Variants in ADAMTS16 observed in about 807,000 individuals in gnomAD.
The protein encoded by ADAMTS16 is ADAM metallopeptidase with thrombospondin type 1 motif 16.
In ADAMTS16, 94 loss-of-function variants were observed where a neutral mutation model predicts 145.8. The ratio of observed to expected loss-of-function variants is 0.64; its 90% CI spans 0.55 to 0.77. The LOEUF is 0.77. Among genes scored for constraint, ADAMTS16 ranks in the 30% least tolerant of loss-of-function variants. ADAMTS16 has a pLI of 0.00. For missense variants in ADAMTS16, 1,585 were observed against 1,591.5 expected (o/e 1.00, Z 0.07); for synonymous variants, 659 against 604.3 (o/e 1.09, Z -1.33).
chr5:5,164,181 G>A (rs544736994), intron 3 of ADAMTS16, among the ~76,000 whole-genome samples: 24 of 152,168 alleles, frequency 1.6e-4, no homozygotes, highest in Admixed American at 2.6e-4. Context: ...TTCAGTTCCT[G>A]TTGTATGCCC....
At chr5:5,268,918 C>A (rs911204092) in intron 18 of ADAMTS16, among the ~76,000 whole-genome samples, 3 of 152,130 alleles carry the variant, frequency 2.0e-5, no homozygotes, top group East Asian at 3.9e-4. Flanking sequence ...AAGGACTGCG[C>A]TCCCCGACCC....
intron 18 of ADAMTS16, among the ~76,000 whole-genome samples, chr5:5,280,323 G>A (rs574728924): frequency 2.6e-5 from 4 of 152,294 alleles, no homozygotes; most frequent in African/African-American, 9.6e-5. Context: ...TTTCTCTAGA[G>A]AAGGATCCTG....
rs757268714 is a variant in ADAMTS16 at position 5,319,852 on chromosome 5, AT to A, written c.*720del. 1 of 455,314 alleles carries A rather than the reference AT, an allele frequency of 2.2e-6. No individual in the cohort carries two copies. Among genetic ancestry groups the A allele is most frequent in the Non-Finnish European group, 4.4e-6 (1 of 226,634 alleles). The allele number at this position is 455,314 out of a possible 1,614,324, so 28.2% of individuals were successfully genotyped here. A position where few individuals can be genotyped will look rare whatever the true frequency, so the allele number is the denominator to read the frequency against. On this transcript the variant is annotated 3_prime_UTR_variant, in exon 23 of 23. Coordinates refer to ENST00000274181, the MANE Select transcript of ADAMTS16 (RefSeq NM_139056.4). The stretch of plus-strand genomic sequence containing the variant: ...TTCAGATTCATGCATTGAAGGAGAG[AT>A]TTTTTATACTTTATGTTTTATCTTT...
chr5:5,213,138 C>T (rs2126324643), intron 10 of ADAMTS16, among the ~76,000 whole-genome samples: 1 of 152,266 alleles, frequency 6.6e-6, no homozygotes, highest in East Asian at 1.9e-4. Flanking sequence ...CAACAAAATG[C>T]AATGTTGTAG....
chr5:5,262,812 G>T (rs751740436), intron 18 of ADAMTS16, 29 bp downstream of exon 18: 3 of 1,610,322 alleles, frequency 1.9e-6, no homozygotes, highest in Middle Eastern at 1.7e-4. Flanking sequence ...ATCAAAGCAG[G>T]TTTCCCAGTT....
chr5:5,256,270 A>G (rs1737778481), intron 17 of ADAMTS16, among the ~76,000 whole-genome samples: 1 of 152,238 alleles, frequency 6.6e-6, no homozygotes, highest in African/African-American at 2.4e-5. Flanking sequence ...GGCAGGATCC[A>G]GGGAAGCTAA....
chr5:5,154,230 C>T (rs1043908232), intron 3 of ADAMTS16, among the ~76,000 whole-genome samples: 1 of 152,148 alleles, frequency 6.6e-6, no homozygotes, highest in East Asian at 1.9e-4. Flanking sequence ...CTGCTGATGG[C>T]ATAAGCAGAT....
chr5:5,257,737 C>T (rs1426913679), intron 17 of ADAMTS16, among the ~76,000 whole-genome samples: 6 of 152,174 alleles, frequency 3.9e-5, no homozygotes, highest in African/African-American at 1.4e-4. Flanking sequence ...TGGTGTCCTA[C>T]AATTCAGTTC....
intron 6 of ADAMTS16, 43 bp from the exon 7 acceptor site, chr5:5,189,928 C>A: frequency 1.2e-6 from 2 of 1,602,998 alleles, no homozygotes; most frequent in South Asian, 1.1e-5. Flanking sequence ...AACATGTTTT[C>A]TCTTCATTAT....
intron 3 of ADAMTS16, among the ~76,000 whole-genome samples, chr5:5,164,668 T>C (rs558448546): frequency 6.6e-6 from 1 of 152,218 alleles, no homozygotes; most frequent in African/African-American, 2.4e-5. Context: ...TTGTTCTGTT[T>C]TCTTTTTCCT....
In ADAMTS16 at chr5:5,295,282, C is replaced by T. The variant is rs141271892; in HGVS notation, c.2790-7986C>T. On this transcript the variant is annotated intron_variant, in intron 18 of 22. Transcript: ENST00000274181. ...CCTCAATATTTTACTTTTGTCTCAG[C>T]CACACCTAATTTGACAGCAGTGCTG... 3.2e-3 allele frequency among the ~76,000 whole-genome samples: 490 copies of T among 152,330 alleles called. 3 individuals are homozygous for T. Among genetic ancestry groups the T allele is most frequent in the African/African-American group, 0.011 (458 of 41,576 alleles).
intron 18 of ADAMTS16, among the ~76,000 whole-genome samples, chr5:5,271,156 C>T (rs1738456455): frequency 6.6e-6 from 1 of 152,272 alleles, no homozygotes; most frequent in Non-Finnish European, 1.5e-5. Context: ...CTCCTCAGCA[C>T]CCAGAGGCCG....
intron 17 of ADAMTS16, 90 bp from the exon 18 acceptor site, chr5:5,262,567 C>A: frequency 6.6e-7 from 1 of 1,520,230 alleles, no homozygotes; most frequent in South Asian, 1.3e-5. Context: ...GGCTAAGATT[C>A]TTTGAAAGAG....
intron 18 of ADAMTS16, among the ~76,000 whole-genome samples, chr5:5,266,769 C>A (rs1020533673): frequency 6.6e-6 from 1 of 152,158 alleles, no homozygotes; most frequent in Non-Finnish European, 1.5e-5. Flanking sequence ...AGAACATGCT[C>A]AACAGATTAT....
Position 5,262,782 on chromosome 5 carries a change from A to G in ADAMTS16, c.2788A>G (p.Ser930Gly). ...VPCKVSACPPSWSVGNWSACS... is the reference protein window; with the variant it reads ...VPCKVSACPPGWSVGNWSACS... ...TTGCAAAGTATCTGCCTGTCCTCCC[A>G]GGTAAGAAGCATCGCGTTCATCAAA... Residue 930 changes from serine to glycine, a missense_variant and splice_region_variant, in exon 18 of 23, where the codon AGC becomes GGC. By Grantham distance (56) the Ser-to-Gly change is moderately conservative. Around this residue, in one of 3 missense-constraint regions of ADAMTS16, gnomAD observed 834 missense variants for 811.7 expected, o/e 1.03. Transcript: ENST00000274181. 6.2e-7 allele frequency: 1 copy of G among 1,613,810 alleles called. No individual in the cohort carries two copies.
chr5:5,283,854 C>T (rs997983186), intron 18 of ADAMTS16, among the ~76,000 whole-genome samples: 6 of 152,162 alleles, frequency 3.9e-5, no homozygotes, highest in South Asian at 4.2e-4. Context: ...CATCCTTGCA[C>T]TCCTGTAATG....
In ADAMTS16 at chr5:5,269,073, C is replaced by G. The variant is rs1738367475; in HGVS notation, c.2789+6290C>G. Among the ~76,000 whole-genome samples, 1 of 152,166 alleles carries G rather than the reference C, an allele frequency of 6.6e-6. No individual in the cohort carries two copies. The highest frequency in any genetic ancestry group is 2.4e-5 in the African/African-American group (1 of 41,434). ...TGTGACCTCTCGGTCCTTAACACCC[C>G]TCTCCAGACAGGCCATGCCTCTTGT... On this transcript the variant is annotated intron_variant, in intron 18 of 22. Coordinates refer to ENST00000274181, the MANE Select transcript of ADAMTS16 (RefSeq NM_139056.4). The surrounding 1 kb of genome is among the most constrained non-coding windows in gnomAD (Gnocchi z 4.3).
At chr5:5,299,717 G>A (rs1216001152) in intron 18 of ADAMTS16, among the ~76,000 whole-genome samples, 1 of 152,130 alleles carries the variant, frequency 6.6e-6, no homozygotes, top group Non-Finnish European at 1.5e-5. Flanking sequence ...GGCAGTGGAG[G>A]TCCTGAGGGC....
At chr5:5,209,809 C>A (rs1330440467) in intron 10 of ADAMTS16, among the ~76,000 whole-genome samples, 1 of 151,976 alleles carries the variant, frequency 6.6e-6, no homozygotes, top group African/African-American at 2.4e-5. Flanking sequence ...AAGGGAAAAT[C>A]GAGATTTAGG....
Sources: gnomAD v4.1 joint callset for allele counts (sites outside exome capture counted in the v4.1 genomes callset) on GRCh38, gnomAD v4.1.1 for gene constraint, gnomAD v4.1.1 regional missense constraint, Gnocchi (gnomAD v3.1) non-coding constraint, MANE v1.5 for transcripts, NCBI Gene and HGNC (gene_info 2026-07-23, HGNC 2026-07-21) for gene names.